DYNC1I1: variants seen among roughly 807,000 people sequenced by gnomAD.
DYNC1I1 encodes the protein cytoplasmic dynein 1 intermediate chain 1.
A neutral mutation model predicts 86.6 loss-of-function variants in DYNC1I1; 43 were observed. That is an observed-to-expected ratio of 0.50 (90% CI 0.39 to 0.64). DYNC1I1 has a LOEUF of 0.64. Among genes scored for constraint, DYNC1I1 ranks in the 30% least tolerant of loss-of-function variants. The probability of loss-of-function intolerance (pLI) is 0.00; values close to 1 mark genes in which losing one functional copy is unlikely to be tolerated. For missense variants in DYNC1I1, 604 were observed against 788.8 expected, an observed-to-expected ratio of 0.77 and a Z score of 2.81; for synonymous variants, 262 against 283.7, an observed-to-expected ratio of 0.92 and a Z score of 0.77.
chr7:96,069,381 T>G (rs1377091763), intron 14 of DYNC1I1, among the ~76,000 whole-genome samples: 1 of 152,218 alleles, frequency 6.6e-6, no homozygotes, highest in African/African-American at 2.4e-5. Flanking sequence ...ATTTTGCTAA[T>G]GAGCCAGCTT....
chr7:96,023,234 G>A (rs1794596114), intron 10 of DYNC1I1, among the ~76,000 whole-genome samples: 3 of 152,110 alleles, frequency 2.0e-5, no homozygotes, highest in Non-Finnish European at 2.9e-5. Flanking sequence ...GCAACAATAC[G>A]ACCAGTCCCT....
At chr7:95,864,991 G>A (rs2116141958) in intron 5 of DYNC1I1, among the ~76,000 whole-genome samples, 1 of 152,198 alleles carries the variant, frequency 6.6e-6, no homozygotes, top group East Asian at 1.9e-4. Flanking sequence ...AAAGGGGGAA[G>A]GTGGACAAGC....
At chr7:96,106,419 C>T (rs187886701) in intron 16 of DYNC1I1, among the ~76,000 whole-genome samples, 93 of 152,156 alleles carry the variant, frequency 6.1e-4, no homozygotes, top group Non-Finnish European at 1.1e-3. Context: ...CCTATAATCC[C>T]AGCTACTCGG....
At chr7:96,008,333 T>C (rs1280539879) in intron 10 of DYNC1I1, among the ~76,000 whole-genome samples, 4 of 152,122 alleles carry the variant, frequency 2.6e-5, no homozygotes, top group Non-Finnish European at 5.9e-5. Flanking sequence ...AAGGGGGTCA[T>C]TAACTAGAGT....
chr7:96,015,789 C>T (rs1432243934), intron 10 of DYNC1I1, among the ~76,000 whole-genome samples: 1 of 152,084 alleles, frequency 6.6e-6, no homozygotes, highest in Non-Finnish European at 1.5e-5. Context: ...GTGGACACGA[C>T]AATGGTGTAG....
At chr7:95,937,471 A>G (rs1792077879) in intron 6 of DYNC1I1, among the ~76,000 whole-genome samples, 1 of 151,460 alleles carries the variant, frequency 6.6e-6, no homozygotes, top group Admixed American at 6.6e-5. Context: ...AATTTTTCCA[A>G]ATTCGATGTA....
At chr7:95,791,557 A>G (rs1794303436) in intron 1 of DYNC1I1, among the ~76,000 whole-genome samples, 1 of 152,238 alleles carries the variant, frequency 6.6e-6, no homozygotes. Context: ...GCTCTGTTCT[A>G]AAGCATAGAT....
chr7:95,971,188 T>C (rs1793160789), intron 6 of DYNC1I1, among the ~76,000 whole-genome samples: 1 of 152,044 alleles, frequency 6.6e-6, no homozygotes, highest in African/African-American at 2.4e-5. Flanking sequence ...GCTGGAGAAA[T>C]CAACTTATAG....
intron 6 of DYNC1I1, among the ~76,000 whole-genome samples, chr7:95,919,190 T>G (rs1425908794): frequency 6.6e-6 from 1 of 152,162 alleles, no homozygotes; most frequent in Non-Finnish European, 1.5e-5. Context: ...TACTGAAATA[T>G]CTGAATAATG....
At chr7:95,846,112 A>G (rs1199543125) in intron 5 of DYNC1I1, among the ~76,000 whole-genome samples, 1 of 152,196 alleles carries the variant, frequency 6.6e-6, no homozygotes, top group Non-Finnish European at 1.5e-5. Flanking sequence ...TTTCATAAGT[A>G]TCAAGGTAGT....
At chr7:95,814,946 T>C (rs1794914063) in intron 4 of DYNC1I1, among the ~76,000 whole-genome samples, 1 of 151,974 alleles carries the variant, frequency 6.6e-6, no homozygotes, top group African/African-American at 2.4e-5. Context: ...GTGTAAGATC[T>C]AACATTTATT....
At chr7:95,853,322 A>G (rs1789629473) in intron 5 of DYNC1I1, among the ~76,000 whole-genome samples, 1 of 152,152 alleles carries the variant, frequency 6.6e-6, no homozygotes, top group African/African-American at 2.4e-5. Flanking sequence ...ATAAGAGTGG[A>G]TTCCTTATAA....
At chr7:96,028,972 G>A (rs1473255117) in intron 11 of DYNC1I1, among the ~76,000 whole-genome samples, 17 of 152,164 alleles carry the variant, frequency 1.1e-4, no homozygotes, top group African/African-American at 7.2e-5. Flanking sequence ...GAAGACAGGC[G>A]TGTCTCCATC....
At chr7:95,890,546 A>G (rs1790709875) in intron 6 of DYNC1I1, among the ~76,000 whole-genome samples, 1 of 152,180 alleles carries the variant, frequency 6.6e-6, no homozygotes, top group African/African-American at 2.4e-5. Context: ...ACACAAATTT[A>G]CCCATATAAA....
intron 1 of DYNC1I1, among the ~76,000 whole-genome samples, chr7:95,779,506 ACTCT>A (rs1321821971): frequency 6.6e-6 from 1 of 152,112 alleles, no homozygotes; most frequent in Non-Finnish European, 1.5e-5. Context: ...CAATTATGTC[ACTCT>A]CTAGTTTATC....
chr7:95,943,605 G>A lies in DYNC1I1; in HGVS notation c.491-33907G>A, dbSNP rs1425728018. Among the ~76,000 whole-genome samples, 195 of 117,176 alleles carry A rather than the reference G, an allele frequency of 1.7e-3. 1 individual carries two copies. The highest frequency in any genetic ancestry group is 4.0e-3 in the Middle Eastern group (1 of 248). The allele number at this position is 117,176 out of a possible 152,430, so 76.9% of individuals were successfully genotyped here. Reference sequence around the variant, plus strand: ...AAAAGAACAAAGCTGGAGGCATCATGCTACCTGACTTCAAATTATACTACA... The same window carrying A: ...AAAAGAACAAAGCTGGAGGCATCATACTACCTGACTTCAAATTATACTACA... On this transcript the variant is annotated intron_variant, in intron 6 of 16. Transcript: ENST00000447467.
chr7:96,094,712 T>C lies in DYNC1I1; in HGVS notation c.1777-2771T>C, dbSNP rs544012387. ...ATTCTAAAAATGGGGCAGTCTGCAG[T>C]TCACCTTCTAAATCTAACATTACAA... On this transcript the variant is annotated intron_variant, in intron 16 of 16. Transcript: ENST00000447467. 1.1e-4 allele frequency among the ~76,000 whole-genome samples: 17 copies of C among 152,342 alleles called. No homozygotes were observed. The South Asian group carries it at 3.5e-3, about 32-fold the overall frequency.
At chr7:95,798,859 C>T (rs1241609741) in intron 1 of DYNC1I1, among the ~76,000 whole-genome samples, 1 of 152,108 alleles carries the variant, frequency 6.6e-6, no homozygotes, top group Non-Finnish European at 1.5e-5. Flanking sequence ...ATGATATGTG[C>T]AGAAATAAAA....
chr7:95,809,342 A>G (rs1794775339), intron 2 of DYNC1I1, among the ~76,000 whole-genome samples: 4 of 152,298 alleles, frequency 2.6e-5, no homozygotes, highest in African/African-American at 2.4e-5. Context: ...TACATGCCCA[A>G]AGAAAGTAAT....
Sources: gnomAD v4.1 joint callset for allele counts (sites outside exome capture counted in the v4.1 genomes callset) on GRCh38, gnomAD v4.1.1 for gene constraint, MANE v1.5 for transcripts, NCBI Gene and HGNC (gene_info 2026-07-23, HGNC 2026-07-21) for gene names.